GAGE10: variants seen among roughly 807,000 people sequenced by gnomAD.
GAGE10 encodes G antigen 10.
In GAGE10, 9 loss-of-function variants were observed where a neutral mutation model predicts 11.5. That is an observed-to-expected ratio of 0.78 (90% confidence interval 0.47 to 1.37). The LOEUF is 1.37. GAGE10 is among the 40% of genes most tolerant of loss of function. The pLI, the probability that GAGE10 is intolerant of heterozygous loss-of-function variation, is 0.00. For synonymous variants in GAGE10, 23 were observed against 29.7 expected, an observed-to-expected ratio of 0.77 and a Z score of 0.73; for missense variants, 83 against 92.9, an observed-to-expected ratio of 0.89 and a Z score of 0.44.
intron 3 of GAGE10, among the ~76,000 whole-genome samples, chrX:49,305,826 T>C (rs781998349): frequency 9.0e-6 from 1 of 111,546 alleles, no homozygotes; most frequent in Non-Finnish European, 1.9e-5. Flanking sequence ...AAAATTTGTA[T>C]TTTGTTCCAA....
intron 3 of GAGE10, among the ~76,000 whole-genome samples, chrX:49,312,861 G>A (rs782466500): frequency 3.6e-5 from 4 of 112,532 alleles, no homozygotes; most frequent in Non-Finnish European, 7.5e-5. Flanking sequence ...ATGTGCCACG[G>A]CTCTCTGCCA....
At chrX:49,307,531 T>A (rs1216469905) in intron 3 of GAGE10, among the ~76,000 whole-genome samples, 8 of 108,912 alleles carry the variant, frequency 7.3e-5, no homozygotes, top group Non-Finnish European at 1.3e-4. Context: ...CAGGTTGGAG[T>A]GCAGTAGTGC....
chrX:49,317,269 G>A lies in GAGE10; in HGVS notation c.309G>A (p.Glu103=). The A allele has an allele frequency of 4.1e-6, 5 of 1,207,220 alleles. No homozygotes were observed. Among genetic ancestry groups the A allele is most frequent in the Non-Finnish European group, 5.6e-6 (5 of 892,678 alleles). The change falls in exon 4 of 5, where the codon GAG becomes GAA. Residue 103 remains glutamate, a synonymous_variant. Coordinates refer to ENST00000407599, the MANE Select transcript of GAGE10 (RefSeq NM_001098413.4). The part of the protein sequence containing the change: ...GQEMGLPNPE[E]VKRPEEGEKQ... ...AGATGGGCCTGCCAAATCCAGAGGA[G>A]GTGAAAAGGCCTGAAGAAGGTAGGG...
intron 3 of GAGE10, among the ~76,000 whole-genome samples, chrX:49,313,059 G>A (rs2066380602): frequency 8.9e-6 from 1 of 112,062 alleles, no homozygotes; most frequent in African/African-American, 3.3e-5. Context: ...CCTTCTCAGG[G>A]TAGGCTGAGG....
intron 3 of GAGE10, among the ~76,000 whole-genome samples, chrX:49,312,528 G>A (rs782709975): frequency 3.6e-5 from 4 of 112,595 alleles, no homozygotes; most frequent in Non-Finnish European, 5.6e-5. Flanking sequence ...ACACCAAATC[G>A]GGAAGAGCTA....
chrX:49,317,231 C>T lies in GAGE10; in HGVS notation c.271C>T (p.Pro91Ser). 1 of 1,207,941 alleles carries T rather than the reference C, an allele frequency of 8.3e-7. No homozygotes were observed. Among genetic ancestry groups the T allele is most frequent in the African/African-American group, 1.7e-5 (1 of 57,636 alleles). The change falls in exon 4 of 5, where the codon CCT becomes TCT. Residue 91 changes from proline (P) to serine (S), a missense_variant. Pro to Ser is a moderately conservative substitution (Grantham distance 74). Around this residue, in one of 3 missense-constraint regions of GAGE10, gnomAD observed 66 missense variants for 35.4 expected, o/e 1.87. Transcript: ENST00000407599. The stretch of plus-strand genomic sequence containing the variant: ...GACTGGGTGTGAGTGTGGAGATGGT[C>T]CTGATGGCCAGGAGATGGGCCTGCC... ...PKTGCECGDG[P>S]DGQEMGLPNP...
At chrX:49,306,309 T>C (rs1351178805) in intron 3 of GAGE10, among the ~76,000 whole-genome samples, 1 of 112,384 alleles carries the variant, frequency 8.9e-6, no homozygotes, top group Non-Finnish European at 1.9e-5. Context: ...CATTAATTGC[T>C]GTCCTCCCAC....
At position 49,317,293 on chromosome X, in the gene GAGE10, G is replaced by A. The variant is rs1557125408; in HGVS notation, c.328+5G>A. The A allele has an allele frequency of 8.3e-7, 1 of 1,202,825 alleles. No individual in the cohort carries two copies. The highest frequency in any genetic ancestry group is 1.1e-6 in the Non-Finnish European group (1 of 889,914). ...AGGTGAAAAGGCCTGAAGAAGGTAGGGAATCCATTAGGCATGCACATTGTA... is the reference window on the plus strand; with the variant it reads ...AGGTGAAAAGGCCTGAAGAAGGTAGAGAATCCATTAGGCATGCACATTGTA... On this transcript the variant is annotated splice_donor_5th_base_variant and intron_variant, in intron 4 of 4. Transcript: ENST00000407599.
Position 49,316,393 on chromosome X carries a change from C to T in GAGE10, c.203-770C>T, listed in dbSNP as rs1338287820. Among the ~76,000 whole-genome samples, 50 of 111,879 alleles carry T rather than the reference C, an allele frequency of 4.5e-4. 1 individual carries two copies. The highest frequency in any genetic ancestry group is 1.1e-3 in the African/African-American group (35 of 30,735). On this transcript the variant is annotated intron_variant, in intron 3 of 4. Transcript: ENST00000407599. ...CTTCCCCTGCACAGATCTCACCTGC[C>T]CCACGAAATGCTTAAAAGGTAGCTT...
chrX:49,309,072 G>A lies in GAGE10; in HGVS notation c.202+3548G>A, dbSNP rs187633067. On this transcript the variant is annotated intron_variant, in intron 3 of 4. Transcript: ENST00000407599. ...CCTAGGACGTTGTGTACAGCTGATA[G>A]GACCAGCTCCATGGCCACAGCAGGC... is the stretch of plus-strand genomic sequence containing the variant. Among the ~76,000 whole-genome samples the A allele has an allele frequency of 1.9e-3, 210 of 112,097 alleles. 1 individual carries two copies. The highest frequency in any genetic ancestry group is 6.6e-3 in the African/African-American group (203 of 30,868).
chrX:49,314,818 C>T (rs797027952), intron 3 of GAGE10, among the ~76,000 whole-genome samples: 1 of 111,934 alleles, frequency 8.9e-6, no homozygotes, highest in Non-Finnish European at 1.9e-5. Context: ...GACCAGTGGC[C>T]ATGGGAGGCA....
chrX:49,303,965 A>G (rs1361197811), intron 1 of GAGE10, among the ~76,000 whole-genome samples: 1 of 111,649 alleles, frequency 9.0e-6, no homozygotes, highest in African/African-American at 3.3e-5. Flanking sequence ...CTGTGAGGCC[A>G]CCATCTGCTT....
intron 3 of GAGE10, among the ~76,000 whole-genome samples, chrX:49,312,445 AT>A (rs2066378770): frequency 8.8e-6 from 1 of 113,206 alleles, no homozygotes. Flanking sequence ...GAAATAAAAA[AT>A]AAAGAGGAAA....
chrX:49,319,205 T>C (rs1258259283), intron 4 of GAGE10, among the ~76,000 whole-genome samples: 1 of 111,075 alleles, frequency 9.0e-6, no homozygotes, highest in Non-Finnish European at 1.9e-5. Context: ...CTGTGGCATG[T>C]AGGTCAGTGA....
chrX:49,305,327 A>G, intron 2 of GAGE10, 77 bp from the exon 3 acceptor site: 1 of 501,108 alleles, frequency 2.0e-6, no homozygotes, highest in Non-Finnish European at 3.3e-6. Context: ...ATAGCTATGT[A>G]TTCTGTGTAT....
intron 2 of GAGE10, 99 bp from the exon 3 acceptor site, chrX:49,305,305 T>G (rs1260268438): frequency 1.4e-6 from 1 of 731,031 alleles, no homozygotes; most frequent in Non-Finnish European, 1.9e-6. Context: ...TTAGGCTTAG[T>G]TAGGACCAGA....
intron 1 of GAGE10, among the ~76,000 whole-genome samples, chrX:49,304,119 G>C (rs1367605753): frequency 6.3e-5 from 7 of 111,842 alleles, no homozygotes; most frequent in Admixed American, 5.7e-4. Context: ...CGATACAGGG[G>C]AGATCCCTGA....
intron 3 of GAGE10, among the ~76,000 whole-genome samples, chrX:49,312,982 C>T (rs1267199403): frequency 3.6e-5 from 4 of 112,414 alleles, no homozygotes; most frequent in African/African-American, 9.7e-5. Context: ...TTGTGAGAAC[C>T]TGCTTGTAGA....
At chrX:49,310,086 A>T (rs1372585805) in intron 3 of GAGE10, among the ~76,000 whole-genome samples, 28 of 112,386 alleles carry the variant, frequency 2.5e-4, no homozygotes, top group Non-Finnish European at 1.9e-4. Context: ...GTTTTAAGAA[A>T]GACTTTGTGA....
Sources: allele counts gnomAD v4.1 joint callset (sites outside exome capture counted in the v4.1 genomes callset), GRCh38; gene constraint gnomAD v4.1.1; regional missense constraint gnomAD v4.1.1; transcripts MANE v1.5; gene names NCBI Gene and HGNC (gene_info 2026-07-23, HGNC 2026-07-21).